Variants in ANKRD28 observed in about 807,000 individuals in gnomAD.
ANKRD28 encodes the protein ankyrin repeat domain 28.
Under a neutral mutation model 126.5 loss-of-function variants are expected in ANKRD28, and 44 were observed. The observed-to-expected ratio is 0.35, with a 90% CI of 0.27 to 0.45. The LOEUF (loss-of-function observed/expected upper bound fraction) is 0.45. ANKRD28 is among the 20% of genes least tolerant of loss of function. The pLI is 1.00. For missense variants in ANKRD28, 1,110 were observed against 1,316.6 expected (o/e 0.84, Z 2.43); for synonymous variants, 442 against 468.5 (o/e 0.94, Z 0.73).
At chr3:15,714,788 T>C in intron 8 of ANKRD28, 132 bp from the exon 9 acceptor site, 2 of 547,512 alleles carry the variant, frequency 3.7e-6, no homozygotes, top group Non-Finnish European at 6.0e-6. Flanking sequence ...CTGAGGCCTA[T>C]GGAGGTAAAA....
At position 15,797,367 on chromosome 3, in the gene ANKRD28, C is replaced by CATCT. The variant is rs1207723800; in HGVS notation, c.-847_-846insAGAT. 1 of 985,160 alleles carries CATCT rather than the reference C, an allele frequency of 1.0e-6. No individual in the cohort carries two copies. The highest frequency in any genetic ancestry group is 1.7e-5 in the African/African-American group (1 of 57,192). 61.0% of individuals were successfully genotyped at this position (985,160 alleles called of 1,614,324 possible). ...GAAGAAACACAGTTAGCTTTATTCC[C>CATCT]ATCGATAGCATAAGCAAGGCAGAGC... On this transcript the variant is annotated 5_prime_UTR_variant, in exon 1 of 28. The change creates a new upstream start codon in the 5' untranslated region. Transcript: ENST00000683139.
chr3:15,698,077 T>C lies in ANKRD28; in HGVS notation c.1548-1832A>G, dbSNP rs908936810. 5.3e-5 allele frequency among the ~76,000 whole-genome samples: 8 copies of C among 152,326 alleles called. No individual in the cohort carries two copies. The East Asian group carries it at 1.5e-3, about 29-fold the overall frequency. ...TGTATTTCTTTGAGCTCGGTGGTGA[T>C]ATTCCCTTTATGTGTCTATTTGAAT... On this transcript the variant is annotated intron_variant, in intron 14 of 27. Transcript: ENST00000683139.
At chr3:15,857,253 G>A (rs1160558220) in intron 1 of ANKRD28, among the ~76,000 whole-genome samples, 1 of 152,078 alleles carries the variant, frequency 6.6e-6, no homozygotes, top group Admixed American at 6.5e-5. Context: ...CTCAATGTTC[G>A]TTCTCCCTGA....
intron 2 of ANKRD28, among the ~76,000 whole-genome samples, chr3:15,776,531 T>C (rs1226149463): frequency 6.6e-6 from 1 of 152,102 alleles, no homozygotes; most frequent in Admixed American, 6.5e-5. Flanking sequence ...TAAATTATAT[T>C]GCTTGGGGAA....
At chr3:15,713,188 T>TA (rs913813844) in intron 10 of ANKRD28, among the ~76,000 whole-genome samples, 4 of 151,766 alleles carry the variant, frequency 2.6e-5, no homozygotes, top group East Asian at 1.9e-4. Context: ...GTATTTGGAT[T>TA]AAAAAAAAGC....
chr3:15,811,718 A>G (rs1011866977), intron 1 of ANKRD28, among the ~76,000 whole-genome samples: 1 of 151,992 alleles, frequency 6.6e-6, no homozygotes, highest in Non-Finnish European at 1.5e-5. Context: ...CTCCCAAAGT[A>G]CTGGGATTAC....
At chr3:15,706,789 G>A (rs1343815653) in intron 14 of ANKRD28, among the ~76,000 whole-genome samples, 1 of 152,104 alleles carries the variant, frequency 6.6e-6, no homozygotes, top group Non-Finnish European at 1.5e-5. Context: ...ATTCTAACTG[G>A]TGTGAGATGG....
intron 1 of ANKRD28, among the ~76,000 whole-genome samples, chr3:15,821,570 T>C (rs1350349732): frequency 2.0e-5 from 3 of 152,108 alleles, no homozygotes; most frequent in Non-Finnish European, 2.9e-5. Flanking sequence ...CACAAAGCAA[T>C]GAATAGGTGG....
At chr3:15,745,985 G>A (rs2057451699) in intron 4 of ANKRD28, among the ~76,000 whole-genome samples, 1 of 152,106 alleles carries the variant, frequency 6.6e-6, no homozygotes, top group South Asian at 2.1e-4. Context: ...GAAAGGGAAT[G>A]AGTTCTTGAT....
At chr3:15,795,143 T>C in intron 2 of ANKRD28, 80 bp downstream of exon 2, 1 of 1,032,428 alleles carries the variant, frequency 9.7e-7, no homozygotes, top group Non-Finnish European at 1.5e-6. Flanking sequence ...TATTATGTCT[T>C]GTAAACAAAA....
Position 15,712,002 on chromosome 3 carries a change from C to T in ANKRD28, c.1273+138G>A, listed in dbSNP as rs116666790. On this transcript the variant is annotated intron_variant, in intron 11 of 27. Coordinates refer to ENST00000683139, the MANE Select transcript of ANKRD28 (RefSeq NM_001349278.2). The stretch of plus-strand genomic sequence containing the variant: ...TGAGCCACCACGCCAGACCTGAACC[C>T]AACACGTTCTAAAAGGGGTTATTAA... The T allele has an allele frequency of 1.3e-3, 933 of 692,066 alleles. 4 individuals are homozygous for T. In the African/African-American group the frequency reaches 0.015, roughly 11 times the overall value. The allele number at this position is 692,066 out of a possible 1,614,324, so 42.9% of individuals were successfully genotyped here. A position where few individuals can be genotyped will look rare whatever the true frequency, so the allele number is the denominator to read the frequency against.
intron 1 of ANKRD28, among the ~76,000 whole-genome samples, chr3:15,826,866 A>G (rs527417915): frequency 2.0e-5 from 3 of 152,304 alleles, no homozygotes; most frequent in African/African-American, 7.2e-5. Flanking sequence ...GGAGAGATCA[A>G]TATTACATAT....
chr3:15,679,372 G>A lies in ANKRD28; in HGVS notation c.2490C>T (p.Asn830=), dbSNP rs1192964503. 5 of 1,613,848 alleles carry A rather than the reference G, an allele frequency of 3.1e-6. No individual in the cohort carries two copies. The highest frequency in any genetic ancestry group is 2.2e-5 in the East Asian group (1 of 44,884). The change falls in exon 23 of 28, where the codon AAC becomes AAT. Residue 830 remains asparagine (N), a synonymous_variant. Transcript: ENST00000683139. The part of the protein sequence containing the change: ...SPLHCAVIND[N]EGAAEMLIDT... Reference sequence around the variant, plus strand: ...CAATTAACATCTCAGCAGCACCTTCGTTGTCATTTATCCTGTGTAAGGTAA... The same window carrying A: ...CAATTAACATCTCAGCAGCACCTTCATTGTCATTTATCCTGTGTAAGGTAA...
intron 3 of ANKRD28, among the ~76,000 whole-genome samples, chr3:15,759,798 G>A (rs913355564): frequency 2.6e-5 from 4 of 152,144 alleles, no homozygotes; most frequent in African/African-American, 7.2e-5. Flanking sequence ...GAAGGTTACC[G>A]AGTCCTCTAA....
intron 1 of ANKRD28, among the ~76,000 whole-genome samples, chr3:15,831,718 T>A (rs1316132092): frequency 6.6e-6 from 1 of 152,230 alleles, no homozygotes; most frequent in Non-Finnish European, 1.5e-5. Context: ...AATTATTTGA[T>A]GATGGAAAGC....
intron 1 of ANKRD28, among the ~76,000 whole-genome samples, chr3:15,840,310 A>C (rs933081337): frequency 6.6e-6 from 1 of 152,140 alleles, no homozygotes; most frequent in African/African-American, 2.4e-5. Context: ...CTACAAATAA[A>C]ATACCAGGAA....
In ANKRD28 at chr3:15,714,598, G is replaced by A. The variant is rs767975714; in HGVS notation, c.1055C>T (p.Ser352Leu). Residue 352 changes from serine (S) to leucine (L), a missense_variant, in exon 9 of 28, where the codon TCA (serine) becomes TTA (leucine). Ser to Leu is a moderately radical substitution (Grantham distance 145). Coordinates refer to ENST00000683139, the MANE Select transcript of ANKRD28 (RefSeq NM_001349278.2). ...MTALHGRFSRSQTIIQSGAVI... is the reference protein window; with the variant it reads ...MTALHGRFSRLQTIIQSGAVI... ...TTTACCACTCTGGATAATGGTTTGT[G>A]ATCGGGAGAATCTACCGTGGAGAGC... The A allele has an allele frequency of 1.3e-6, 2 of 1,587,784 alleles. No homozygotes were observed. The highest frequency in any genetic ancestry group is 1.7e-6 in the Non-Finnish European group (2 of 1,168,460).
chr3:15,751,558 C>T lies in ANKRD28; in HGVS notation c.351+192G>A, dbSNP rs533094882. On this transcript the variant is annotated intron_variant, in intron 4 of 27. Coordinates refer to ENST00000683139, the MANE Select transcript of ANKRD28 (RefSeq NM_001349278.2). ...TTCTATTCTCTGCTACTTCAGACTG[C>T]AAGAGGCCTTATAAACAAAAGAAGA... Among the ~76,000 whole-genome samples, 211 of 152,214 alleles carry T rather than the reference C, an allele frequency of 1.4e-3. 1 individual carries two copies. The highest frequency in any genetic ancestry group is 4.8e-3 in the African/African-American group (201 of 41,540).
chr3:15,680,815 G>A (rs898232787), intron 21 of ANKRD28, among the ~76,000 whole-genome samples: 1 of 151,934 alleles, frequency 6.6e-6, no homozygotes, highest in Non-Finnish European at 1.5e-5. Flanking sequence ...ACAGGTGCAA[G>A]GCTACCACAC....
Sources: allele counts gnomAD v4.1 joint callset (sites outside exome capture counted in the v4.1 genomes callset), GRCh38; gene constraint gnomAD v4.1.1; transcripts MANE v1.5; gene names NCBI Gene and HGNC (gene_info 2026-07-23, HGNC 2026-07-21).